GRK3: variants seen among roughly 807,000 people sequenced by gnomAD.
The protein encoded by GRK3 is adrenergic, beta, receptor kinase 2.
In GRK3, 54 loss-of-function variants were observed where a neutral mutation model predicts 95.7. That is an observed-to-expected ratio of 0.56 (90% CI 0.45 to 0.71). The LOEUF is 0.71. Among genes scored for constraint, GRK3 ranks in the 30% least tolerant of loss-of-function variants. The probability of loss-of-function intolerance (pLI) is 0.00; values close to 1 mark genes in which losing one functional copy is unlikely to be tolerated. For synonymous variants in GRK3, 281 were observed against 290.8 expected (o/e 0.97, Z 0.34); for missense variants, 649 against 851.2 (o/e 0.76, Z 2.96).
intron 2 of GRK3, among the ~76,000 whole-genome samples, chr22:25,632,908 CT>C (rs1356318495): frequency 6.6e-6 from 1 of 151,772 alleles, no homozygotes; most frequent in Non-Finnish European, 1.5e-5. Flanking sequence ...ATAATATATC[CT>C]TTTTGTTTTT....
intron 6 of GRK3, among the ~76,000 whole-genome samples, chr22:25,668,234 G>A (rs977829548): frequency 2.6e-5 from 4 of 152,146 alleles, no homozygotes; most frequent in South Asian, 2.1e-4. Flanking sequence ...GTTTATGATC[G>A]TGTACATCAT....
chr22:25,633,399 C>T (rs2084677934), intron 2 of GRK3, among the ~76,000 whole-genome samples: 1 of 151,964 alleles, frequency 6.6e-6, no homozygotes, highest in African/African-American at 2.4e-5. Context: ...GAAGAATGGC[C>T]ATCTTACCAA....
intron 10 of GRK3, among the ~76,000 whole-genome samples, chr22:25,686,360 A>G (rs541718538): frequency 1.3e-4 from 20 of 152,346 alleles, no homozygotes; most frequent in African/African-American, 4.6e-4. Context: ...CAAAACAGGC[A>G]AAACTAATGG....
rs149064934 is a variant in GRK3, at chr22:25,722,741, C to A, written c.*291C>A. On this transcript the variant is annotated 3_prime_UTR_variant, in exon 21 of 21. Coordinates refer to ENST00000324198, the MANE Select transcript of GRK3 (RefSeq NM_005160.4). Reference sequence around the variant, plus strand: ...TCACGTAAATTTTTATGTCTGATATCAAACACATCTTAGACTCCCCAGAAT... The same window carrying A: ...TCACGTAAATTTTTATGTCTGATATAAAACACATCTTAGACTCCCCAGAAT... The A allele has an allele frequency of 1.7e-3, 486 of 288,494 alleles. 2 individuals carry two copies. Among genetic ancestry groups the A allele is most frequent in the Middle Eastern group, 0.014 (13 of 952 alleles). The allele number at this position is 288,494 out of a possible 1,614,324, so 17.9% of individuals were successfully genotyped here. A position where few individuals can be genotyped will look rare whatever the true frequency, so the allele number is the denominator to read the frequency against.
Position 25,566,809 on chromosome 22 carries a change from C to T in GRK3, c.113+1656C>T, listed in dbSNP as rs1931505283. ...TTAATTCCTCTTTTGTCTTGCCTTT[C>T]CTAGTGTCCCTCCACCACCCAAAGG... On this transcript the variant is annotated intron_variant, in intron 1 of 20. Coordinates refer to ENST00000324198, the MANE Select transcript of GRK3 (RefSeq NM_005160.4). Among the ~76,000 whole-genome samples the T allele has an allele frequency of 3.3e-5, 5 of 152,150 alleles. No individual in the cohort carries two copies. The South Asian group carries it at 1.0e-3, about 31-fold the overall frequency.
At chr22:25,627,254 CT>C (rs2084634660) in intron 2 of GRK3, among the ~76,000 whole-genome samples, 1 of 152,126 alleles carries the variant, frequency 6.6e-6, no homozygotes, top group Non-Finnish European at 1.5e-5. Flanking sequence ...CCCCAGCAGG[CT>C]TTTTGGCATT....
At chr22:25,684,734 G>A (rs888354005) in intron 9 of GRK3, among the ~76,000 whole-genome samples, 1 of 152,156 alleles carries the variant, frequency 6.6e-6, no homozygotes, top group Non-Finnish European at 1.5e-5. Context: ...AAGCAAGAAA[G>A]GACCTTCAAG....
At chr22:25,686,250 C>G (rs963482250) in intron 10 of GRK3, among the ~76,000 whole-genome samples, 1 of 151,294 alleles carries the variant, frequency 6.6e-6, no homozygotes, top group East Asian at 1.9e-4. Context: ...ACAGATCTAC[C>G]CCGAAACAGG....
chr22:25,688,752 C>T (rs2085141974), intron 11 of GRK3, among the ~76,000 whole-genome samples: 1 of 152,294 alleles, frequency 6.6e-6, no homozygotes, highest in South Asian at 2.1e-4. Context: ...TCAGGGTGTC[C>T]ATGGTGACAC....
rs1209097401 is a variant in GRK3, at chr22:25,726,956, T to TGTGTGTGTGTGC, written c.*4507_*4508insTGTGTGTGTGCG. 24 of 149,186 alleles carry TGTGTGTGTGTGC rather than the reference T, an allele frequency of 1.6e-4. 1 individual carries two copies. Among genetic ancestry groups the TGTGTGTGTGTGC allele is most frequent in the Middle Eastern group, 6.8e-3 (2 of 292 alleles). The allele number at this position is 149,186 out of a possible 1,614,324, so 9.2% of individuals were successfully genotyped here. A position where few individuals can be genotyped will look rare whatever the true frequency, so the allele number is the denominator to read the frequency against. On this transcript the variant is annotated 3_prime_UTR_variant, in exon 21 of 21. Transcript: ENST00000324198. Reference sequence around the variant, plus strand: ...GTGTGTGTGTGTGTGTGTGTGTGTGTGCACTTTGCAGCCCCCGAGGTGGAG... The same window carrying TGTGTGTGTGTGC: ...GTGTGTGTGTGTGTGTGTGTGTGTGTGTGTGTGTGTGCGCACTTTGCAGCCCCCGAGGTGGAG...
intron 1 of GRK3, among the ~76,000 whole-genome samples, chr22:25,576,723 T>A (rs2146314892): frequency 6.6e-6 from 1 of 152,316 alleles, no homozygotes; most frequent in East Asian, 1.9e-4. Context: ...ACCTTCAGAC[T>A]GTCTTTTTCC....
intron 1 of GRK3, among the ~76,000 whole-genome samples, chr22:25,591,016 C>A (rs541337682): frequency 6.6e-6 from 1 of 152,102 alleles, no homozygotes; most frequent in East Asian, 1.9e-4. Context: ...TTAGCAGAGA[C>A]CCCCTCCCCA....
At chr22:25,603,383 GT>G (rs1230537525) in intron 1 of GRK3, among the ~76,000 whole-genome samples, 2 of 152,086 alleles carry the variant, frequency 1.3e-5, no homozygotes, top group African/African-American at 4.8e-5. Context: ...TTGGGGTTCA[GT>G]TACTGAATAA....
At position 25,728,219 on chromosome 22, in the gene GRK3, C is replaced by T. The variant is rs2085489658; in HGVS notation, c.*5769C>T. On this transcript the variant is annotated 3_prime_UTR_variant, in exon 21 of 21. Transcript: ENST00000324198. Reference sequence around the variant, plus strand: ...CACCACCATGGACTGTTTTCAACAACAGTTGATCTTCTGGTCTGTGCTGAG... The same window carrying T: ...CACCACCATGGACTGTTTTCAACAATAGTTGATCTTCTGGTCTGTGCTGAG... The T allele has an allele frequency of 6.6e-6, 1 of 152,210 alleles. No homozygotes were observed. Among genetic ancestry groups the T allele is most frequent in the African/African-American group, 2.4e-5 (1 of 41,440 alleles). The allele number at this position is 152,210 out of a possible 1,614,324, so 9.4% of individuals were successfully genotyped here.
chr22:25,691,266 A>G (rs1216568727), intron 12 of GRK3, among the ~76,000 whole-genome samples: 1 of 152,134 alleles, frequency 6.6e-6, no homozygotes, highest in African/African-American at 2.4e-5. Context: ...TTTTATTGAC[A>G]TCTTAAGCTA....
intron 3 of GRK3, among the ~76,000 whole-genome samples, chr22:25,653,781 C>CG (rs1470403357): frequency 6.6e-6 from 1 of 152,172 alleles, no homozygotes; most frequent in Non-Finnish European, 1.5e-5. Flanking sequence ...ACCTGTCTCC[C>CG]GGGTTCAACC....
intron 1 of GRK3, among the ~76,000 whole-genome samples, chr22:25,577,340 T>C (rs1004963091): frequency 4.6e-5 from 7 of 152,116 alleles, no homozygotes; most frequent in African/African-American, 1.7e-4. Flanking sequence ...GCCTGGCTAA[T>C]ATTTTTCTAC....
rs144789723 is a variant in GRK3, at chr22:25,643,121, C to G, written c.191-1471C>G. On this transcript the variant is annotated intron_variant, in intron 2 of 20. Coordinates refer to ENST00000324198, the MANE Select transcript of GRK3 (RefSeq NM_005160.4). ...TTTGAAATGAATAAAAATGAAGAGACAACGATTACTCTTAAAATCAGAATA... is the reference window on the plus strand; with the variant it reads ...TTTGAAATGAATAAAAATGAAGAGAGAACGATTACTCTTAAAATCAGAATA... 4.6e-3 allele frequency among the ~76,000 whole-genome samples: 704 copies of G among 152,314 alleles called. 4 individuals are homozygous for G. The highest frequency in any genetic ancestry group is 0.013 in the Admixed American group (197 of 15,300).
chr22:25,709,112 A>G (rs560634911), intron 15 of GRK3, among the ~76,000 whole-genome samples: 2 of 151,110 alleles, frequency 1.3e-5, no homozygotes, highest in South Asian at 2.1e-4. Context: ...ATCTCGGTTC[A>G]CTGCAAGCTC....
Sources: allele counts gnomAD v4.1 joint callset (sites outside exome capture counted in the v4.1 genomes callset), GRCh38; gene constraint gnomAD v4.1.1; transcripts MANE v1.5; gene names NCBI Gene and HGNC (gene_info 2026-07-23, HGNC 2026-07-21).